The following RNF34 variants were observed in gnomAD, a reference collection of about 807,000 sequenced individuals.
The protein encoded by RNF34 is ring finger protein 34.
In RNF34, 12 loss-of-function variants were observed where a neutral mutation model predicts 37.9. The ratio of observed to expected loss-of-function variants is 0.32; its 90% CI spans 0.20 to 0.51. RNF34 has a LOEUF of 0.51. Among genes scored for constraint, RNF34 ranks in the 20% least tolerant of loss-of-function variants. The pLI is 0.97. For missense variants in RNF34, 362 were observed against 472.7 expected (o/e 0.77, Z 2.17); for synonymous variants, 155 against 177.2 (o/e 0.87, Z 1.00).
Position 121,400,125 on chromosome 12 carries a change from GC to G in RNF34, c.-85del. On this transcript the variant is annotated 5_prime_UTR_variant, in exon 1 of 6. Coordinates refer to ENST00000361234, the MANE Select transcript of RNF34 (RefSeq NM_025126.4). ...CGCCTCCCGGGGCGCGGTAATCACCGCCCAGAGGGAAGGAGGTCGGCAGTGT... is the reference window on the plus strand; with the variant it reads ...CGCCTCCCGGGGCGCGGTAATCACCGCCAGAGGGAAGGAGGTCGGCAGTGT... 6.7e-7 allele frequency: 1 copy of G among 1,493,910 alleles called. No homozygotes were observed. The highest frequency in any genetic ancestry group is 9.0e-7 in the Non-Finnish European group (1 of 1,106,814). The allele number at this position is 1,493,910 out of a possible 1,614,324, so 92.5% of individuals were successfully genotyped here.
intron 1 of RNF34, among the ~76,000 whole-genome samples, chr12:121,405,858 A>G (rs1458020270): frequency 2.7e-5 from 4 of 149,776 alleles, no homozygotes; most frequent in Non-Finnish European, 5.9e-5. Flanking sequence ...CAGTGGTGCA[A>G]TCTCGGCTCA....
intron 1 of RNF34, among the ~76,000 whole-genome samples, chr12:121,402,175 C>T (rs1365798670): frequency 7.9e-5 from 12 of 152,196 alleles, no homozygotes; most frequent in Non-Finnish European, 1.2e-4. Flanking sequence ...CAATAGCTCA[C>T]GCCTATAATC....
At chr12:121,405,497 T>C (rs565181731) in intron 1 of RNF34, among the ~76,000 whole-genome samples, 72 of 152,298 alleles carry the variant, frequency 4.7e-4, no homozygotes, top group African/African-American at 1.6e-3. Context: ...TTTTTTTTTC[T>C]TTTTGAGACA....
chr12:121,423,332 C>A lies in RNF34; in HGVS notation c.929-54C>A. 2.1e-6 allele frequency: 3 copies of A among 1,443,784 alleles called. No homozygotes were observed. Among genetic ancestry groups the A allele is most frequent in the Non-Finnish European group, 2.8e-6 (3 of 1,063,856 alleles). 89.4% of individuals were successfully genotyped at this position (1,443,784 alleles called of 1,614,324 possible). On this transcript the variant is annotated intron_variant, in intron 5 of 5. Transcript: ENST00000361234. This position sits in a 1 kb window ranked among gnomAD's most constrained non-coding sequence, Gnocchi z 4.3. The stretch of plus-strand genomic sequence containing the variant: ...GCTCAGCTTCGGACTGGGAGGGTGG[C>A]TGGCTGACTGGCCATGCCTGAAGCC...
At chr12:121,413,161 G>A (rs1217351638) in intron 1 of RNF34, among the ~76,000 whole-genome samples, 1 of 151,950 alleles carries the variant, frequency 6.6e-6, no homozygotes, top group Non-Finnish European at 1.5e-5. Flanking sequence ...AAGTAGCTGG[G>A]ATTACAGGCA....
chr12:121,423,840 T>G lies in RNF34; in HGVS notation c.*264T>G, dbSNP rs1872371243. 2.5e-6 allele frequency: 1 copy of G among 402,930 alleles called. No individual in the cohort carries two copies. The highest frequency in any genetic ancestry group is 3.6e-5 in the South Asian group (1 of 27,398). The allele number at this position is 402,930 out of a possible 1,614,324, so 25.0% of individuals were successfully genotyped here. On this transcript the variant is annotated 3_prime_UTR_variant, in exon 6 of 6. Coordinates refer to ENST00000361234, the MANE Select transcript of RNF34 (RefSeq NM_025126.4). The surrounding 1 kb of genome is among the most constrained non-coding windows in gnomAD (Gnocchi z 4.3). ...TGAACACTCATTGAAGTCAGCCTGT[T>G]TGCGCCATGTGGGCATCAGCCACTG...
chr12:121,418,060 A>G, intron 3 of RNF34, 149 bp downstream of exon 3: 7 of 850,090 alleles, frequency 8.2e-6, no homozygotes, highest in Non-Finnish European at 1.3e-5. Flanking sequence ...CTGCACTTAA[A>G]GGCTGTCCTG....
intron 5 of RNF34, among the ~76,000 whole-genome samples, 165 bp downstream of exon 5, chr12:121,420,943 T>G (rs1872072618): frequency 1.3e-5 from 2 of 152,118 alleles, no homozygotes; most frequent in African/African-American, 4.8e-5. Context: ...TGGAAAGGAG[T>G]AACTTCATTA....
intron 1 of RNF34, among the ~76,000 whole-genome samples, chr12:121,401,354 C>CAAAAAAAA (rs563285897): frequency 0.037 from 2,860 of 76,468 alleles, 237 homozygotes; most frequent in African/African-American, 0.11. Flanking sequence ...CTATAGGTAT[C>CAAAAAAAA]AAAAAAAAAA....
intron 1 of RNF34, among the ~76,000 whole-genome samples, chr12:121,403,361 A>C (rs1412755202): frequency 2.0e-5 from 3 of 149,774 alleles, no homozygotes; most frequent in Non-Finnish European, 4.4e-5. Context: ...GCGCCACTGC[A>C]CTCCAGCCTG....
chr12:121,402,131 C>T (rs1870049693), intron 1 of RNF34, among the ~76,000 whole-genome samples: 1 of 152,100 alleles, frequency 6.6e-6, no homozygotes, highest in Non-Finnish European at 1.5e-5. Context: ...ATTAAAATTA[C>T]ATTAAAAGCT....
At chr12:121,408,047 T>A (rs1870717231) in intron 1 of RNF34, among the ~76,000 whole-genome samples, 1 of 152,200 alleles carries the variant, frequency 6.6e-6, no homozygotes, top group Non-Finnish European at 1.5e-5. Context: ...AGCTCATGCC[T>A]GTAATCCCAG....
intron 1 of RNF34, 49 bp from the exon 2 acceptor site, chr12:121,416,110 G>GCCCAGATT: frequency 6.7e-7 from 1 of 1,491,082 alleles, no homozygotes; most frequent in South Asian, 1.1e-5. Context: ...ATCCCAGAGA[G>GCCCAGATT]CCCAGATTCC....
intron 2 of RNF34, 170 bp downstream of exon 2, chr12:121,416,547 T>C: frequency 1.7e-6 from 1 of 578,102 alleles, no homozygotes; most frequent in Non-Finnish European, 3.1e-6. Context: ...ATTATATTAC[T>C]GCTCAAGTTT....
chr12:121,402,265 CT>C (rs1426792326), intron 1 of RNF34, among the ~76,000 whole-genome samples: 1 of 151,776 alleles, frequency 6.6e-6, no homozygotes, highest in Non-Finnish European at 1.5e-5. Flanking sequence ...TAGCAAAACC[CT>C]GTCTCGATTA....
chr12:121,412,192 G>C (rs1447821184), intron 1 of RNF34, among the ~76,000 whole-genome samples: 2 of 143,434 alleles, frequency 1.4e-5, no homozygotes, highest in Non-Finnish European at 3.0e-5. Context: ...CTCCCGACTA[G>C]CTGGGACTAC....
In RNF34 at chr12:121,423,575, G is replaced by A. The variant is rs1555283828; in HGVS notation, c.1118G>A (p.Ter373=). Residue 373 remains the stop codon, a stop_retained_variant, in exon 6 of 6, where the codon TGA becomes TAA. Transcript: ENST00000361234. The surrounding 1 kb of genome is among the most constrained non-coding windows in gnomAD (Gnocchi z 4.3). The stretch of plus-strand genomic sequence containing the variant: ...CGAGCCGTGCACGTGTTCAAGTCCT[G>A]AAACAGGCTCCCCTCACCAGGACAG... ...VVRAVHVFKS[*] is the part of the protein sequence containing the mutation. The A allele has an allele frequency of 6.8e-6, 11 of 1,612,084 alleles. No individual in the cohort carries two copies. The highest frequency in any genetic ancestry group is 4.0e-5 in the African/African-American group (3 of 74,922).
chr12:121,402,749 A>T, intron 1 of RNF34: 7 of 1,593,472 alleles, frequency 4.4e-6, no homozygotes, highest in Non-Finnish European at 5.1e-6. Flanking sequence ...AAGGTGGGGG[A>T]GTGGTACTAA....
At chr12:121,412,300 C>T (rs948746416) in intron 1 of RNF34, among the ~76,000 whole-genome samples, 6 of 140,944 alleles carry the variant, frequency 4.3e-5, no homozygotes, top group South Asian at 2.2e-4. Context: ...AGTACAGTGG[C>T]GCAATCTCGG....
Sources: gnomAD v4.1 joint callset for allele counts (sites outside exome capture counted in the v4.1 genomes callset) on GRCh38, gnomAD v4.1.1 for gene constraint, Gnocchi (gnomAD v3.1) non-coding constraint, MANE v1.5 for transcripts, NCBI Gene and HGNC (gene_info 2026-07-23, HGNC 2026-07-21) for gene names.